The following LGALS8 variants were observed in gnomAD, a reference collection of about 807,000 sequenced individuals.
LGALS8 encodes galectin-8.
Under a neutral mutation model 35.9 loss-of-function variants are expected in LGALS8, and 30 were observed. That is an observed-to-expected ratio of 0.83 (90% CI 0.62 to 1.13). The LOEUF (loss-of-function observed/expected upper bound fraction) is 1.13. Ranked by LOEUF, LGALS8 falls within the 50% of genes most tolerant of loss-of-function variation. The probability of loss-of-function intolerance (pLI) is 0.00; values close to 1 mark genes in which losing one functional copy is unlikely to be tolerated. For synonymous variants in LGALS8, 138 were observed against 136.1 expected (o/e 1.01, Z -0.10); for missense variants, 366 against 388.7 (o/e 0.94, Z 0.49).
At chr1:236,522,008 C>T (rs1295180965), upstream of LGALS8, among the ~76,000 whole-genome samples, 1 of 152,090 alleles carries the variant, frequency 6.6e-6, no homozygotes, top group Non-Finnish European at 1.5e-5. Flanking sequence ...TCTAGAAGGG[C>T]CCATGAGGTC....
At chr1:236,543,995 A>G (rs892517796) in intron 8 of LGALS8, among the ~76,000 whole-genome samples, 1 of 151,488 alleles carries the variant, frequency 6.6e-6, no homozygotes, top group Non-Finnish European at 1.5e-5. Flanking sequence ...CCCAGGCTGG[A>G]GTGCAGTGTC....
At chr1:236,534,976 G>A (rs1319989057) in intron 2 of LGALS8, among the ~76,000 whole-genome samples, 10 of 86,682 alleles carry the variant, frequency 1.2e-4, no homozygotes, top group African/African-American at 3.5e-4. Context: ...CAGGAGAATC[G>A]CTTGAACCCG....
chr1:236,551,992 G>A lies in LGALS8; in HGVS notation c.*3831G>A, dbSNP rs1339145665. 4.5e-6 allele frequency: 7 copies of A among 1,538,966 alleles called. No individual in the cohort carries two copies. Among genetic ancestry groups the A allele is most frequent in the African/African-American group, 1.4e-5 (1 of 73,468 alleles). On this transcript the variant is annotated 3_prime_UTR_variant, in exon 10 of 10. Coordinates refer to ENST00000366584, the MANE Select transcript of LGALS8 (RefSeq NM_201544.4). Reference sequence around the variant, plus strand: ...TGTTTAATGGTTGGGAATAGTTTGGGAATTACCTTCCATCAACTCTGCTAA... The same window carrying A: ...TGTTTAATGGTTGGGAATAGTTTGGAAATTACCTTCCATCAACTCTGCTAA...
rs549183623 is a variant in LGALS8, at chr1:236,551,273, C to A, written c.*3112C>A. 20 of 400,044 alleles carry A rather than the reference C, an allele frequency of 5.0e-5. No individual in the cohort carries two copies. The highest frequency in any genetic ancestry group is 3.4e-4 in the Admixed American group (8 of 23,618). The allele number at this position is 400,044 out of a possible 1,614,324, so 24.8% of individuals were successfully genotyped here. A position where few individuals can be genotyped will look rare whatever the true frequency, so the allele number is the denominator to read the frequency against. ...CCCCTTTAGTAGCTCACACCTCCCC[C>A]CTCCAAGAGCTAAGAAACAAAGGAG... On this transcript the variant is annotated 3_prime_UTR_variant, in exon 10 of 10. Coordinates refer to ENST00000366584, the MANE Select transcript of LGALS8 (RefSeq NM_201544.4).
chr1:236,538,101 A>AAAAAAAAAAAAG lies in LGALS8; in HGVS notation c.134+519_134+520insAAAAAAAAGAAA, dbSNP rs371245157. On this transcript the variant is annotated intron_variant, in intron 3 of 9. Transcript: ENST00000366584. ...GCCTGGGTGACAAAAAAAAAAAAGA[A>AAAAAAAAAAAAG]AAAGAAAAAGAATTAGGTATGTCAT... Among the ~76,000 whole-genome samples the AAAAAAAAAAAAG allele has an allele frequency of 2.7e-4, 26 of 96,074 alleles. 1 individual carries two copies. The highest frequency in any genetic ancestry group is 5.6e-4 in the African/African-American group (17 of 30,112). The allele number at this position is 96,074 out of a possible 152,430, so 63.0% of individuals were successfully genotyped here.
upstream of LGALS8, among the ~76,000 whole-genome samples, chr1:236,522,489 C>G (rs530270060): frequency 4.9e-4 from 75 of 152,234 alleles, no homozygotes; most frequent in African/African-American, 1.7e-3. Flanking sequence ...GTCTATAGTC[C>G]CAGCTACTCC....
At chr1:236,522,659 T>C (rs1660587881), upstream of LGALS8, among the ~76,000 whole-genome samples, 2 of 152,212 alleles carry the variant, frequency 1.3e-5, no homozygotes, top group African/African-American at 4.8e-5. Flanking sequence ...TGCAAAGCAT[T>C]ACACTATGCA....
At chr1:236,538,101 A>AAAAAAAAAAAAAAAT in intron 3 of LGALS8, among the ~76,000 whole-genome samples, 1 of 96,088 alleles carries the variant, frequency 1.0e-5, no homozygotes, top group Admixed American at 1.2e-4. Flanking sequence ...AAAAAAAAGA[A>AAAAAAAAAAAAAAAT]AAAGAAAAAG....
Position 236,541,697 on chromosome 1 carries a change from T to G in LGALS8, c.509T>G (p.Ile170Arg), listed in dbSNP as rs1662009386. The G allele has an allele frequency of 6.6e-7, 1 of 1,508,958 alleles. No homozygotes were observed. 93.5% of individuals were successfully genotyped at this position (1,508,958 alleles called of 1,614,324 possible). A position where few individuals can be genotyped will look rare whatever the true frequency, so the allele number is the denominator to read the frequency against. The stretch of plus-strand genomic sequence containing the variant: ...GCATCTAGTCTGGAACTGACAGAGA[T>G]AAGTAGAGAAAATGTAAATATTAAA... ...TQASSLELTE[I>R]SRENVPKSGT... The change falls in exon 6 of 10, where the codon ATA becomes AGA. Residue 170 changes from isoleucine (I) to arginine (R), a missense_variant. Transcript: ENST00000366584.
upstream of LGALS8, among the ~76,000 whole-genome samples, chr1:236,522,311 G>A (rs1660576889): frequency 6.6e-6 from 1 of 152,146 alleles, no homozygotes; most frequent in Non-Finnish European, 1.5e-5. Flanking sequence ...AGAAGTACAA[G>A]GTTGACTCAG....
In LGALS8 at chr1:236,548,938, T is replaced by C. The variant is rs957185170; in HGVS notation, c.*777T>C. 3.3e-5 allele frequency: 13 copies of C among 398,212 alleles called. No individual in the cohort carries two copies. The highest frequency in any genetic ancestry group is 8.8e-5 in the Admixed American group (2 of 22,686). The allele number at this position is 398,212 out of a possible 1,614,324, so 24.7% of individuals were successfully genotyped here. A position where few individuals can be genotyped will look rare whatever the true frequency, so the allele number is the denominator to read the frequency against. ...CCCAAGGCAGCTGATTTCTGTGTAT[T>C]TGAACTTAGGGCAAATCAGAGTCTA... On this transcript the variant is annotated 3_prime_UTR_variant, in exon 10 of 10. Coordinates refer to ENST00000366584, the MANE Select transcript of LGALS8 (RefSeq NM_201544.4).
chr1:236,544,409 G>A (rs1166258977), intron 8 of LGALS8, among the ~76,000 whole-genome samples: 1 of 152,224 alleles, frequency 6.6e-6, no homozygotes, highest in Non-Finnish European at 1.5e-5. Flanking sequence ...GGTAGATGAT[G>A]AAAAGAGAAT....
At chr1:236,524,513 C>T (rs921783265) in intron 1 of LGALS8, 2 of 439,826 alleles carry the variant, frequency 4.5e-6, no homozygotes, top group African/African-American at 4.0e-5. Context: ...TTCCCTGCCT[C>T]TAACACGCTC....
chr1:236,543,140 C>T, intron 7 of LGALS8: 1 of 1,093,168 alleles, frequency 9.1e-7, no homozygotes, highest in Non-Finnish European at 1.4e-6. Flanking sequence ...AAAGCAGCCC[C>T]CTCTGCATTT....
At chr1:236,538,746 C>T in intron 3 of LGALS8, 133 bp from the exon 4 acceptor site, 1 of 671,828 alleles carries the variant, frequency 1.5e-6, no homozygotes. Context: ...GCTCTTTAGG[C>T]CTCATAGTGA....
At chr1:236,543,336 C>T in intron 7 of LGALS8, 1 of 675,342 alleles carries the variant, frequency 1.5e-6, no homozygotes, top group Admixed American at 2.1e-5. Context: ...GGGTCCCACC[C>T]TGTCACTCAT....
At chr1:236,546,714 G>A (rs1293986481) in intron 9 of LGALS8, among the ~76,000 whole-genome samples, 2 of 152,224 alleles carry the variant, frequency 1.3e-5, no homozygotes, top group African/African-American at 2.4e-5. Context: ...CTCTGATACA[G>A]TACAGGTAAC....
intron 9 of LGALS8, among the ~76,000 whole-genome samples, chr1:236,545,931 G>C (rs976980699): frequency 2.0e-5 from 3 of 152,152 alleles, no homozygotes; most frequent in Admixed American, 2.0e-4. Flanking sequence ...GGCGCAAAGG[G>C]TGACTTGGGG....
chr1:236,519,142 A>G (rs762670439), upstream of LGALS8, among the ~76,000 whole-genome samples: 2 of 151,848 alleles, frequency 1.3e-5, no homozygotes, highest in South Asian at 2.1e-4. Context: ...TAATCCTAGC[A>G]CTTCAGGAGG....
Sources: gnomAD v4.1 joint callset for allele counts (sites outside exome capture counted in the v4.1 genomes callset) on GRCh38, gnomAD v4.1.1 for gene constraint, MANE v1.5 for transcripts, NCBI Gene and HGNC (gene_info 2026-07-23, HGNC 2026-07-21) for gene names.